The following PHLDB2 variants were observed in gnomAD, a reference collection of about 807,000 sequenced individuals.
PHLDB2 encodes pleckstrin homology-like domain family B member 2.
PHLDB2 carries 71 observed loss-of-function variants against 123.6 expected under a neutral mutation model. That is an observed-to-expected ratio of 0.57 (90% CI 0.47 to 0.70). The LOEUF (loss-of-function observed/expected upper bound fraction) is 0.70, where lower values mean the gene tolerates loss of function less well. Among genes scored for constraint, PHLDB2 ranks in the 30% least tolerant of loss-of-function variants. The probability of loss-of-function intolerance (pLI) is 0.00; values close to 1 mark genes in which losing one functional copy is unlikely to be tolerated. For missense variants in PHLDB2, 1,446 were observed against 1,519.5 expected (o/e 0.95, Z 0.80); for synonymous variants, 547 against 541.6 (o/e 1.01, Z -0.14).
chr3:111,906,118 G>C (rs1248714926), intron 2 of PHLDB2, among the ~76,000 whole-genome samples: 2 of 152,160 alleles, frequency 1.3e-5, no homozygotes, highest in African/African-American at 4.8e-5. Context: ...GCAGTAACAT[G>C]CTTTGCAAGT....
At chr3:111,955,841 TGTTTAA>T (rs1350862942) in intron 12 of PHLDB2, among the ~76,000 whole-genome samples, 1 of 152,162 alleles carries the variant, frequency 6.6e-6, no homozygotes, top group Non-Finnish European at 1.5e-5. Flanking sequence ...GTACTTCAGG[TGTTTAA>T]TTGAAAGAGC....
chr3:111,822,546 A>G (rs777441389), intron 1 of PHLDB2, among the ~76,000 whole-genome samples: 3 of 152,118 alleles, frequency 2.0e-5, no homozygotes, highest in Admixed American at 6.6e-5. Flanking sequence ...ACACATTTCT[A>G]GTATTTGCTT....
intron 16 of PHLDB2, among the ~76,000 whole-genome samples, chr3:111,970,792 A>G (rs988232945): frequency 2.0e-5 from 3 of 152,212 alleles, no homozygotes; most frequent in Non-Finnish European, 4.4e-5. Flanking sequence ...TTTTGGGGTG[A>G]CTGTCAGTAT....
intron 1 of PHLDB2, among the ~76,000 whole-genome samples, chr3:111,795,639 A>G (rs2061121578): frequency 6.6e-6 from 1 of 152,108 alleles, no homozygotes; most frequent in Non-Finnish European, 1.5e-5. Context: ...GCCTCCTTTA[A>G]TCCTTGGAGC....
At chr3:111,860,545 C>CT (rs1349273083) in intron 1 of PHLDB2, among the ~76,000 whole-genome samples, 2 of 152,224 alleles carry the variant, frequency 1.3e-5, no homozygotes, top group African/African-American at 4.8e-5. Context: ...GAGGACCTGG[C>CT]TAACTCCCGC....
intron 1 of PHLDB2, among the ~76,000 whole-genome samples, chr3:111,872,919 A>G (rs766723487): frequency 3.3e-5 from 5 of 152,226 alleles, no homozygotes; most frequent in East Asian, 3.8e-4. Context: ...AATGGATTCC[A>G]TATTTGTACC....
rs2071446224 is a variant in PHLDB2 at position 111,962,099 on chromosome 3, C to T, written c.2873-9C>T. Reference sequence around the variant, plus strand: ...AGGCAAACTAACATATTTATGGCTCCTTCCTTAGGTTATAATCACCAACAG... The same window carrying T: ...AGGCAAACTAACATATTTATGGCTCTTTCCTTAGGTTATAATCACCAACAG... On this transcript the variant is annotated splice_polypyrimidine_tract_variant and intron_variant, in intron 12 of 17. Coordinates refer to ENST00000431670, the MANE Select transcript of PHLDB2 (RefSeq NM_001134438.2). 1.9e-6 allele frequency: 3 copies of T among 1,573,230 alleles called. No individual in the cohort carries two copies. The highest frequency in any genetic ancestry group is 2.6e-6 in the Non-Finnish European group (3 of 1,168,426).
intron 2 of PHLDB2, among the ~76,000 whole-genome samples, chr3:111,892,064 A>G (rs1463558920): frequency 1.3e-5 from 2 of 152,192 alleles, no homozygotes; most frequent in Non-Finnish European, 2.9e-5. Flanking sequence ...ATTTAGAACT[A>G]TGCAGGGCCA....
intron 2 of PHLDB2, among the ~76,000 whole-genome samples, chr3:111,886,626 A>G (rs1295862013): frequency 6.6e-6 from 1 of 152,212 alleles, no homozygotes; most frequent in African/African-American, 2.4e-5. Flanking sequence ...AGCAGTAATC[A>G]TTTGCATCAC....
chr3:111,958,901 T>A (rs2107655361), intron 12 of PHLDB2, among the ~76,000 whole-genome samples: 1 of 152,342 alleles, frequency 6.6e-6, no homozygotes, highest in African/African-American at 2.4e-5. Flanking sequence ...TTATATAGAA[T>A]ATATAGATGA....
In PHLDB2 at chr3:111,920,431, T is replaced by A. The variant is rs372007767; in HGVS notation, c.2001+12T>A. The A allele has an allele frequency of 6.2e-7, 1 of 1,610,036 alleles. No individual in the cohort carries two copies. The highest frequency in any genetic ancestry group is 1.7e-5 in the Admixed American group (1 of 59,322). ...GTGAAAAGACCAAGGTAAAAGAAAA[T>A]TATATTTCAATGCAGTTTTTATGGG... On this transcript the variant is annotated intron_variant, in intron 5 of 17. Transcript: ENST00000431670.
intron 1 of PHLDB2, among the ~76,000 whole-genome samples, chr3:111,837,138 G>A (rs186216582): frequency 2.0e-3 from 303 of 152,238 alleles, no homozygotes; most frequent in African/African-American, 6.7e-3. Flanking sequence ...TGTGTATTAA[G>A]GGGTATAATG....
intron 1 of PHLDB2, among the ~76,000 whole-genome samples, chr3:111,794,270 A>G (rs1415245863): frequency 6.6e-6 from 1 of 151,816 alleles, no homozygotes; most frequent in Non-Finnish European, 1.5e-5. Flanking sequence ...CCACCGTGAA[A>G]GGCAGCACTG....
chr3:111,957,399 T>A (rs2071124009), intron 12 of PHLDB2: 1 of 152,592 alleles, frequency 6.6e-6, no homozygotes, highest in South Asian at 2.1e-4. Context: ...TAGAGAAAAA[T>A]TGTTGCACAT....
chr3:111,746,249 C>G (rs1312011168), intron 1 of PHLDB2, among the ~76,000 whole-genome samples: 1 of 152,122 alleles, frequency 6.6e-6, no homozygotes, highest in Non-Finnish European at 1.5e-5. Flanking sequence ...TGAGACACTT[C>G]CTACTGAGAG....
At position 111,733,340 on chromosome 3, in the gene PHLDB2, G is replaced by A. The variant is rs79289197; in HGVS notation, c.-49+637G>A. On this transcript the variant is annotated intron_variant, in intron 1 of 17. Transcript: ENST00000393923. The stretch of plus-strand genomic sequence containing the variant: ...GGCCGTTTCTTACCCTGAATCAGGA[G>A]GACCACCAAAGCCTTTGCTGGCCTG... 9.2e-5 allele frequency among the ~76,000 whole-genome samples: 14 copies of A among 152,272 alleles called. No homozygotes were observed. In the East Asian group the frequency reaches 2.7e-3, roughly 29 times the overall value.
At chr3:111,792,863 C>A (rs773857377) in intron 1 of PHLDB2, among the ~76,000 whole-genome samples, 13 of 152,156 alleles carry the variant, frequency 8.5e-5, no homozygotes, top group Non-Finnish European at 7.3e-5. Context: ...TAATTTATTT[C>A]TGTGTACAAG....
At chr3:111,795,957 C>T (rs777822953) in intron 1 of PHLDB2, among the ~76,000 whole-genome samples, 2 of 152,104 alleles carry the variant, frequency 1.3e-5, no homozygotes, top group African/African-American at 2.4e-5. Context: ...AGTGCAGTGG[C>T]GCGATCTCGG....
chr3:111,939,427 G>A, intron 6 of PHLDB2, 48 bp from the exon 7 acceptor site: 1 of 1,551,662 alleles, frequency 6.4e-7, no homozygotes, highest in Middle Eastern at 1.7e-4. Flanking sequence ...CATTAAGAAG[G>A]TGGTAGTTAT....
Sources: gnomAD v4.1 joint callset for allele counts (sites outside exome capture counted in the v4.1 genomes callset) on GRCh38, gnomAD v4.1.1 for gene constraint, MANE v1.5 for transcripts, NCBI Gene and HGNC (gene_info 2026-07-23, HGNC 2026-07-21) for gene names.